The following OTC variants were observed in gnomAD, a reference collection of about 807,000 sequenced individuals.
OTC encodes the protein ornithine transcarbamylase, mitochondrial.
Under a neutral mutation model 30.3 loss-of-function variants are expected in OTC, and 3 were observed. That is an observed-to-expected ratio of 0.10 (90% CI 0.05 to 0.26). The LOEUF is 0.26. OTC is among the 10% of genes least tolerant of loss of function. The pLI is 1.00. For missense variants in OTC, 194 were observed against 260.3 expected (o/e 0.75, Z 1.75); for synonymous variants, 111 against 99.7 (o/e 1.11, Z -0.67).
chrX:38,364,566 C>T (rs1228923210), intron 1 of OTC, among the ~76,000 whole-genome samples: 1 of 111,063 alleles, frequency 9.0e-6, no homozygotes, highest in Non-Finnish European at 1.9e-5. Flanking sequence ...TTGAGGTGGG[C>T]AGATCACTTG....
At position 38,421,013 on chromosome X, in the gene OTC, G is replaced by T; in HGVS notation, c.1006-10G>T. On this transcript the variant is annotated splice_polypyrimidine_tract_variant and intron_variant, in intron 9 of 9. Coordinates refer to ENST00000039007, the MANE Select transcript of OTC (RefSeq NM_000531.6). ...TTATCCATTTCTTTCTTTCTTTGTT[G>T]TGTCATCAGGCTGTCATGGTGTCCC... 8.4e-7 allele frequency: 1 copy of T among 1,184,337 alleles called. No homozygotes were observed. The highest frequency in any genetic ancestry group is 1.1e-6 in the Non-Finnish European group (1 of 871,415).
Position 38,401,447 on chromosome X carries a change from C to G in OTC, c.540+19C>G. The G allele has an allele frequency of 1.7e-6, 2 of 1,168,811 alleles. No homozygotes were observed. Among genetic ancestry groups the G allele is most frequent in the Non-Finnish European group, 2.3e-6 (2 of 856,549 alleles). On this transcript the variant is annotated intron_variant, in intron 5 of 9. Coordinates refer to ENST00000039007, the MANE Select transcript of OTC (RefSeq NM_000531.6). ...GCTCCAGGTTGGTTTATTTATTTGT[C>G]TTACAAAAGAGCAAAATCAAATAAT... is the stretch of plus-strand genomic sequence containing the variant.
chrX:38,381,553 T>C (rs2068377274), intron 4 of OTC, 124 bp downstream of exon 4: 4 of 535,071 alleles, frequency 7.5e-6, no homozygotes, highest in Admixed American at 2.8e-5. Flanking sequence ...CCATTTTCCC[T>C]CTTTCCCTGA....
intron 3 of OTC, among the ~76,000 whole-genome samples, chrX:38,373,303 A>C (rs1228482531): frequency 8.9e-6 from 1 of 112,063 alleles, no homozygotes; most frequent in East Asian, 2.8e-4. Context: ...ATCATTCAGC[A>C]TGCGCTCTTT....
intron 4 of OTC, chrX:38,395,766 G>A (rs2068453175): frequency 8.9e-6 from 1 of 112,694 alleles, no homozygotes; most frequent in Non-Finnish European, 1.9e-5. Context: ...CTCCTCCTGG[G>A]GCTGAGTGCT....
rs543491211 is a variant in OTC at position 38,372,258 on chromosome X, T to G, written c.298+2381T>G. On this transcript the variant is annotated intron_variant, in intron 3 of 9. Coordinates refer to ENST00000039007, the MANE Select transcript of OTC (RefSeq NM_000531.6). Reference sequence around the variant, plus strand: ...TGTGCCAGGTGTTCTACATTAATTATGTGTGTTATCTCACTCAATCCTCAT... The same window carrying G: ...TGTGCCAGGTGTTCTACATTAATTAGGTGTGTTATCTCACTCAATCCTCAT... Among the ~76,000 whole-genome samples the G allele has an allele frequency of 2.7e-5, 3 of 109,788 alleles. No individual in the cohort carries two copies. The South Asian group carries it at 1.1e-3, about 41-fold the overall frequency.
At chrX:38,337,702 A>G in the OTC span, among the ~76,000 whole-genome samples, 2 of 111,498 alleles carry the variant, frequency 1.8e-5, no homozygotes, top group African/African-American at 6.5e-5. Flanking sequence ...ACATTTCTCA[A>G]CCTTCATCAA....
intron 2 of OTC, among the ~76,000 whole-genome samples, chrX:38,369,251 C>A (rs923037205): frequency 5.4e-5 from 6 of 111,802 alleles, no homozygotes; most frequent in African/African-American, 2.0e-4. Context: ...ATGTTGAACC[C>A]AGAACAATTA....
the OTC span, among the ~76,000 whole-genome samples, chrX:38,346,783 G>T: frequency 8.0e-5 from 9 of 112,121 alleles, no homozygotes; most frequent in African/African-American, 2.9e-4. Context: ...ATATACCAGG[G>T]ATTAGAAAAG....
the OTC span, among the ~76,000 whole-genome samples, chrX:38,327,855 C>T: frequency 8.9e-6 from 1 of 112,966 alleles, no homozygotes; most frequent in Non-Finnish European, 1.9e-5. Context: ...GTAATAGTGA[C>T]CAGCTGGAAC....
At chrX:38,363,215 G>A (rs1310852678) in intron 1 of OTC, among the ~76,000 whole-genome samples, 1 of 111,850 alleles carries the variant, frequency 8.9e-6, no homozygotes, top group African/African-American at 3.3e-5. Flanking sequence ...CAGCTATAGT[G>A]ATGTTTCTCA....
the OTC span, among the ~76,000 whole-genome samples, chrX:38,340,471 T>G: frequency 1.5e-3 from 121 of 81,593 alleles, 1 homozygote; most frequent in African/African-American, 5.2e-3. Flanking sequence ...TTTTTTTTTT[T>G]TGTTTTTTTT....
At chrX:38,365,298 G>A (rs760951328) in intron 1 of OTC, among the ~76,000 whole-genome samples, 1 of 112,908 alleles carries the variant, frequency 8.9e-6, no homozygotes, top group African/African-American at 3.2e-5. Flanking sequence ...ATAACACTAG[G>A]AATGATGAGA....
chrX:38,380,556 C>A (rs1386174974), intron 3 of OTC, among the ~76,000 whole-genome samples: 1 of 110,769 alleles, frequency 9.0e-6, no homozygotes, highest in Non-Finnish European at 1.9e-5. Flanking sequence ...GGGCTCCAGC[C>A]TGGGTGACAG....
intron 3 of OTC, among the ~76,000 whole-genome samples, chrX:38,373,297 T>A (rs971043561): frequency 2.7e-5 from 3 of 112,221 alleles, no homozygotes; most frequent in Non-Finnish European, 5.6e-5. Context: ...AATGGGATCA[T>A]TCAGCATGCG....
chrX:38,386,389 A>T (rs1234780578), intron 4 of OTC, among the ~76,000 whole-genome samples: 2 of 87,014 alleles, frequency 2.3e-5, no homozygotes, highest in Non-Finnish European at 4.5e-5. Flanking sequence ...AAAAAAAAAT[A>T]TATATATATA....
chrX:38,384,177 A>C (rs2068390472), intron 4 of OTC, among the ~76,000 whole-genome samples: 1 of 111,587 alleles, frequency 9.0e-6, no homozygotes, highest in African/African-American at 3.3e-5. Flanking sequence ...GGTAAAAATT[A>C]CCTCCATGGT....
At position 38,367,259 on chromosome X, in the gene OTC, C is replaced by A. The variant is rs748525448; in HGVS notation, c.78-32C>A. The A allele has an allele frequency of 4.3e-6, 5 of 1,160,840 alleles. No individual in the cohort carries two copies. The South Asian group carries it at 5.4e-5, about 13-fold the overall frequency. ...TAGTACATGGGTCTTTTCTGAAATA[C>A]ATATTTCTCCCTTTTAAATCTCTTT... On this transcript the variant is annotated intron_variant, in intron 1 of 9. Transcript: ENST00000039007.
At chrX:38,363,335 C>T (rs2068280936) in intron 1 of OTC, among the ~76,000 whole-genome samples, 1 of 111,971 alleles carries the variant, frequency 8.9e-6, no homozygotes, top group Non-Finnish European at 1.9e-5. Flanking sequence ...TATTGTAAGA[C>T]ATGTAGTCAA....
Sources: gnomAD v4.1 joint callset for allele counts (sites outside exome capture counted in the v4.1 genomes callset) on GRCh38, gnomAD v4.1.1 for gene constraint, MANE v1.5 for transcripts, NCBI Gene and HGNC (gene_info 2026-07-23, HGNC 2026-07-21) for gene names.